HS3ST4: variants seen among roughly 807,000 people sequenced by gnomAD.
HS3ST4 encodes the protein heparan sulfate glucosamine 3-O-sulfotransferase 4.
HS3ST4 carries 17 observed loss-of-function variants against 29.2 expected under a neutral mutation model. That is an observed-to-expected ratio of 0.58 (90% CI 0.40 to 0.87). The LOEUF is 0.87. Among genes scored for constraint, HS3ST4 ranks in the 40% least tolerant of loss-of-function variants. HS3ST4 has a pLI of 0.00. For synonymous variants in HS3ST4, 314 were observed against 285.7 expected, an observed-to-expected ratio of 1.10 and a Z score of -1.00; for missense variants, 627 against 634.5, an observed-to-expected ratio of 0.99 and a Z score of 0.13.
intron 1 of HS3ST4, among the ~76,000 whole-genome samples, chr16:25,904,535 A>T (rs1225064557): frequency 6.6e-6 from 1 of 152,208 alleles, no homozygotes; most frequent in Non-Finnish European, 1.5e-5. Flanking sequence ...CCGTCAGAAT[A>T]GGGCACTTTC....
At chr16:25,758,096 G>C (rs1449522061) in intron 1 of HS3ST4, among the ~76,000 whole-genome samples, 1 of 152,126 alleles carries the variant, frequency 6.6e-6, no homozygotes, top group Non-Finnish European at 1.5e-5. Context: ...AGATAAGGGA[G>C]ATACCTTGGT....
intron 1 of HS3ST4, among the ~76,000 whole-genome samples, chr16:25,878,556 G>A (rs72780776): frequency 4.6e-5 from 7 of 152,110 alleles, no homozygotes; most frequent in Non-Finnish European, 1.0e-4. Flanking sequence ...GCCACGTCAC[G>A]CTATGGACTA....
intron 1 of HS3ST4, among the ~76,000 whole-genome samples, chr16:26,016,439 T>G (rs1197016076): frequency 6.6e-6 from 1 of 152,244 alleles, no homozygotes; most frequent in Non-Finnish European, 1.5e-5. Flanking sequence ...TCTTTCTGTC[T>G]GATTATACCA....
At chr16:25,758,474 CT>C (rs1453586346) in intron 1 of HS3ST4, among the ~76,000 whole-genome samples, 5 of 152,166 alleles carry the variant, frequency 3.3e-5, no homozygotes, top group Non-Finnish European at 5.9e-5. Context: ...TAGGGTCCTT[CT>C]TTCCATGTGG....
intron 1 of HS3ST4, among the ~76,000 whole-genome samples, chr16:25,833,020 G>T (rs1967320570): frequency 6.6e-6 from 1 of 152,082 alleles, no homozygotes; most frequent in Admixed American, 6.5e-5. Context: ...TCACAGAGAG[G>T]TATCAGTAAA....
Position 26,136,162 on chromosome 16 carries a change from A to T in HS3ST4, c.1285A>T (p.Arg429Trp). The change falls in exon 2 of 2, where the codon AGG becomes TGG. Residue 429 changes from arginine to tryptophan, a missense_variant. Arg to Trp is a moderately radical substitution (Grantham distance 101). This residue lies in a region of HS3ST4 where 225 missense variants were observed against 293.7 expected (regional missense o/e 0.77). Transcript: ENST00000331351. ...TGACCCAGATGTCATCCACAGACTG[A>T]GGAAATTCTACAAACCCTTCAACTT... ...RIDPDVIHRL[R>W]KFYKPFNLMF... is the part of the protein sequence containing the mutation. The T allele has an allele frequency of 5.0e-6, 8 of 1,613,382 alleles. No individual in the cohort carries two copies. The highest frequency in any genetic ancestry group is 6.8e-6 in the Non-Finnish European group (8 of 1,179,640).
chr16:26,065,850 C>G (rs1198148646), intron 1 of HS3ST4, among the ~76,000 whole-genome samples: 2 of 152,190 alleles, frequency 1.3e-5, no homozygotes, highest in Non-Finnish European at 2.9e-5. Context: ...TACTGACAAT[C>G]TAGATGGAGA....
At chr16:26,115,602 C>G (rs1389672601) in intron 1 of HS3ST4, among the ~76,000 whole-genome samples, 1 of 152,130 alleles carries the variant, frequency 6.6e-6, no homozygotes, top group African/African-American at 2.4e-5. Context: ...CACCTGGAAT[C>G]CGGGTAGCAT....
intron 1 of HS3ST4, among the ~76,000 whole-genome samples, chr16:25,792,894 T>C (rs1247373790): frequency 1.3e-5 from 2 of 151,914 alleles, no homozygotes; most frequent in African/African-American, 2.4e-5. Context: ...TTTTAACTTC[T>C]TTTCTAATGG....
intron 1 of HS3ST4, among the ~76,000 whole-genome samples, chr16:25,874,449 T>C (rs999747557): frequency 6.0e-4 from 91 of 152,234 alleles, no homozygotes; most frequent in African/African-American, 1.9e-3. Context: ...CAAATTACCA[T>C]TGGATGCAGG....
At chr16:25,913,794 G>A (rs544475408) in intron 1 of HS3ST4, among the ~76,000 whole-genome samples, 1 of 151,422 alleles carries the variant, frequency 6.6e-6, no homozygotes, top group South Asian at 2.1e-4. Flanking sequence ...TGTGGAGGGA[G>A]GGTGTATATG....
At chr16:26,071,301 C>G (rs558380361) in intron 1 of HS3ST4, among the ~76,000 whole-genome samples, 1 of 151,948 alleles carries the variant, frequency 6.6e-6, no homozygotes, top group Admixed American at 6.6e-5. Flanking sequence ...GATGGGGAAG[C>G]GGCTGTAGAA....
chr16:25,988,028 CA>C (rs1400541768), intron 1 of HS3ST4, among the ~76,000 whole-genome samples: 58 of 152,262 alleles, frequency 3.8e-4, no homozygotes, highest in Admixed American at 3.7e-3. Flanking sequence ...CTCAGCCTCC[CA>C]AAGTGCTGGG....
At chr16:26,031,880 G>A (rs1173203408) in intron 1 of HS3ST4, among the ~76,000 whole-genome samples, 1 of 152,176 alleles carries the variant, frequency 6.6e-6, no homozygotes, top group African/African-American at 2.4e-5. Flanking sequence ...AAAACCCAAT[G>A]AAGTCTTCAT....
At chr16:25,703,174 CA>C (rs200629162) in intron 1 of HS3ST4, among the ~76,000 whole-genome samples, 3 of 149,642 alleles carry the variant, frequency 2.0e-5, no homozygotes, top group South Asian at 4.2e-4. Context: ...AACAAACAAA[CA>C]AAAAAAAAGA....
chr16:25,842,063 A>G (rs560406761), intron 1 of HS3ST4, among the ~76,000 whole-genome samples: 1 of 152,366 alleles, frequency 6.6e-6, no homozygotes, highest in African/African-American at 2.4e-5. Flanking sequence ...TGGCACAAAC[A>G]TGCAAGTCAA....
Position 26,010,477 on chromosome 16 carries a change from GA to G in HS3ST4, c.735-125125del, listed in dbSNP as rs561429182. On this transcript the variant is annotated intron_variant, in intron 1 of 1. Transcript: ENST00000331351. ...TCAAAAAAAGAAAAAAAAGGAAAAA[GA>G]AAAAAAAAATGAAAATGTAATTTTT... Among the ~76,000 whole-genome samples the G allele has an allele frequency of 2.8e-3, 408 of 145,136 alleles. 1 individual carries two copies. Among genetic ancestry groups the G allele is most frequent in the African/African-American group, 8.7e-3 (338 of 38,642 alleles).
chr16:26,105,236 A>G (rs1198629377), intron 1 of HS3ST4, among the ~76,000 whole-genome samples: 2 of 152,196 alleles, frequency 1.3e-5, no homozygotes, highest in African/African-American at 2.4e-5. Flanking sequence ...TAAGCAAACT[A>G]AGGCAGAAAC....
At chr16:25,745,827 A>G (rs1396622649) in intron 1 of HS3ST4, among the ~76,000 whole-genome samples, 1 of 152,234 alleles carries the variant, frequency 6.6e-6, no homozygotes, top group African/African-American at 2.4e-5. Flanking sequence ...TTGGATAAAA[A>G]TAAGCTCTGA....
Sources: allele counts gnomAD v4.1 joint callset (sites outside exome capture counted in the v4.1 genomes callset), GRCh38; gene constraint gnomAD v4.1.1; regional missense constraint gnomAD v4.1.1; transcripts MANE v1.5; gene names NCBI Gene and HGNC (gene_info 2026-07-23, HGNC 2026-07-21).